Variants in DDX50 observed in about 807,000 individuals in gnomAD.
The protein encoded by DDX50 is ATP-dependent RNA helicase DDX50.
A neutral mutation model predicts 94.8 loss-of-function variants in DDX50; 56 were observed. That is an observed-to-expected ratio of 0.59 (90% confidence interval 0.48 to 0.74). The LOEUF is 0.74. Ranked by LOEUF, DDX50 falls within the 30% of genes least tolerant of loss-of-function variation. DDX50 has a pLI of 0.00. For missense variants in DDX50, 713 were observed against 881.2 expected, an observed-to-expected ratio of 0.81 and a Z score of 2.42; for synonymous variants, 264 against 295.4, an observed-to-expected ratio of 0.89 and a Z score of 1.09.
chr10:68,946,161 G>A (rs887151062), intron 14 of DDX50, among the ~76,000 whole-genome samples, 191 bp from the exon 15 acceptor site: 2 of 152,060 alleles, frequency 1.3e-5, no homozygotes, highest in East Asian at 3.9e-4. Context: ...TATAAACTGA[G>A]TATGAATTTA....
rs750132888 is a variant in DDX50 at position 68,901,432 on chromosome 10, C to T, written c.48C>T (p.Pro16=). 1.3e-6 allele frequency: 2 copies of T among 1,576,242 alleles called. No homozygotes were observed. Among genetic ancestry groups the T allele is most frequent in the East Asian group, 2.4e-5 (1 of 42,318 alleles). Residue 16 remains proline, a synonymous_variant, in exon 1 of 15, where the codon CCC becomes CCT. Coordinates refer to ENST00000373585, the MANE Select transcript of DDX50 (RefSeq NM_024045.2). ...LWGDIMELEA[P]LEESESQKKE... ...GGGACATTATGGAGCTGGAAGCACC[C>T]TTGGAGGAGTCCGAGAGCCAGAAGA...
intron 7 of DDX50, among the ~76,000 whole-genome samples, chr10:68,914,534 A>G (rs1841727139): frequency 6.6e-6 from 1 of 152,222 alleles, no homozygotes; most frequent in African/African-American, 2.4e-5. Context: ...AAAGAAGGCG[A>G]TTTATATTGA....
At chr10:68,917,685 C>T (rs1455649039) in intron 7 of DDX50, among the ~76,000 whole-genome samples, 1 of 152,194 alleles carries the variant, frequency 6.6e-6, no homozygotes, top group Non-Finnish European at 1.5e-5. Flanking sequence ...TCATTGCAGC[C>T]TCCACCTTCC....
intron 8 of DDX50, among the ~76,000 whole-genome samples, chr10:68,927,917 G>A (rs1404445180): frequency 6.6e-6 from 1 of 152,188 alleles, no homozygotes; most frequent in African/African-American, 2.4e-5. Context: ...AGCTACTCAG[G>A]AGACTGAGGT....
In DDX50 at chr10:68,913,238, G is replaced by A. The variant is rs752621426; in HGVS notation, c.716G>A (p.Ser239Asn). The change falls in exon 5 of 15, where the codon AGC becomes AAC. Residue 239 changes from serine (S) to asparagine (N), a missense_variant. Physicochemically the swap from Ser to Asn is conservative, Grantham distance 46. Around this residue, in one of 2 missense-constraint regions of DDX50, gnomAD observed 285 missense variants for 278.9 expected, o/e 1.02. Transcript: ENST00000373585. ...TTCAAAGATATAACTAGGAAACTCA[G>A]CGTGGCGTGTTTTTATGGTGGAACA... ...KDFKDITRKL[S>N]VACFYGGTSY... 1 of 1,613,452 alleles carries A rather than the reference G, an allele frequency of 6.2e-7. No individual in the cohort carries two copies. The highest frequency in any genetic ancestry group is 8.5e-7 in the Non-Finnish European group (1 of 1,179,888).
At chr10:68,940,857 C>G (rs1039191500) in intron 12 of DDX50, among the ~76,000 whole-genome samples, 4 of 152,164 alleles carry the variant, frequency 2.6e-5, no homozygotes, top group African/African-American at 9.7e-5. Context: ...TAGAGTCTTA[C>G]AGCAATACAT....
At chr10:68,936,131 A>G in intron 11 of DDX50, 52 bp downstream of exon 11, 1 of 1,424,000 alleles carries the variant, frequency 7.0e-7, no homozygotes, top group Non-Finnish European at 9.6e-7. Context: ...TAGGCTATTC[A>G]TCTGTAAGCT....
intron 8 of DDX50, among the ~76,000 whole-genome samples, chr10:68,922,265 T>C (rs539760289): frequency 5.9e-5 from 9 of 152,144 alleles, no homozygotes; most frequent in Non-Finnish European, 1.0e-4. Flanking sequence ...GATGTAATCA[T>C]GGCACTTGAT....
At chr10:68,903,831 C>G (rs1373481863) in intron 1 of DDX50, among the ~76,000 whole-genome samples, 3 of 151,254 alleles carry the variant, frequency 2.0e-5, no homozygotes, top group Non-Finnish European at 4.4e-5. Context: ...CAAAAATTAG[C>G]TGGGTGTGGT....
intron 7 of DDX50, among the ~76,000 whole-genome samples, chr10:68,916,625 G>A (rs1841803310): frequency 1.3e-5 from 2 of 152,128 alleles, no homozygotes; most frequent in East Asian, 1.9e-4. Flanking sequence ...GTAATTGTAT[G>A]TATTTCCAAA....
chr10:68,936,548 A>G (rs1289706608), intron 11 of DDX50, among the ~76,000 whole-genome samples: 1 of 112,610 alleles, frequency 8.9e-6, no homozygotes, highest in Non-Finnish European at 1.7e-5. Flanking sequence ...ATATATATAT[A>G]TAAAATGTGG....
rs1184569130 is a variant in DDX50, at chr10:68,934,045, A to C, written c.1240-154A>C. 6.6e-6 allele frequency among the ~76,000 whole-genome samples: 1 copy of C among 150,844 alleles called. No individual in the cohort carries two copies. The highest frequency in any genetic ancestry group is 1.5e-5 in the Non-Finnish European group (1 of 67,844). Reference sequence around the variant, plus strand: ...CATTTTATGTTAAATATTTTCTGTCATGTTTGACTTTTTTTTTTTACAGTA... The same window carrying C: ...CATTTTATGTTAAATATTTTCTGTCCTGTTTGACTTTTTTTTTTTACAGTA... On this transcript the variant is annotated intron_variant, in intron 8 of 14. Coordinates refer to ENST00000373585, the MANE Select transcript of DDX50 (RefSeq NM_024045.2). This position sits in a 1 kb window ranked among gnomAD's most constrained non-coding sequence, Gnocchi z 4.0.
chr10:68,928,656 G>A (rs994655899), intron 8 of DDX50, among the ~76,000 whole-genome samples: 5 of 152,084 alleles, frequency 3.3e-5, no homozygotes, highest in Non-Finnish European at 7.4e-5. Flanking sequence ...TTGAGTATAT[G>A]GTAATGATAC....
At chr10:68,940,857 C>T (rs1039191500) in intron 12 of DDX50, among the ~76,000 whole-genome samples, 1 of 152,164 alleles carries the variant, frequency 6.6e-6, no homozygotes, top group East Asian at 1.9e-4. Flanking sequence ...TAGAGTCTTA[C>T]AGCAATACAT....
At chr10:68,928,834 A>G (rs1235824449) in intron 8 of DDX50, among the ~76,000 whole-genome samples, 1 of 152,232 alleles carries the variant, frequency 6.6e-6, no homozygotes, top group African/African-American at 2.4e-5. Context: ...CCATTGCTTA[A>G]ACCAGAAATT....
intron 7 of DDX50, among the ~76,000 whole-genome samples, chr10:68,916,878 G>A (rs56379169): frequency 6.6e-6 from 1 of 152,096 alleles, no homozygotes; most frequent in Non-Finnish European, 1.5e-5. Context: ...TAGAGACTGG[G>A]TTTTGCCATG....
intron 12 of DDX50, among the ~76,000 whole-genome samples, chr10:68,938,870 C>A (rs1288690078): frequency 6.6e-6 from 1 of 152,050 alleles, no homozygotes; most frequent in Non-Finnish European, 1.5e-5. Context: ...GAACTGTTTT[C>A]TCATCTTTTT....
Position 68,937,173 on chromosome 10 carries a change from G to A in DDX50, c.1755+78G>A, listed in dbSNP as rs1023343305. 6 of 1,370,568 alleles carry A rather than the reference G, an allele frequency of 4.4e-6. No homozygotes were observed. The South Asian group carries it at 5.8e-5, about 13-fold the overall frequency. 84.9% of individuals were successfully genotyped at this position (1,370,568 alleles called of 1,614,324 possible). On this transcript the variant is annotated intron_variant, in intron 12 of 14. Coordinates refer to ENST00000373585, the MANE Select transcript of DDX50 (RefSeq NM_024045.2). Reference sequence around the variant, plus strand: ...ATAGGAAATATTGTAGTGAATTATTGTGCTTTTTGTGCAGAAAAAAACTGT... The same window carrying A: ...ATAGGAAATATTGTAGTGAATTATTATGCTTTTTGTGCAGAAAAAAACTGT...
At chr10:68,935,597 G>T (rs1842384782) in intron 10 of DDX50, among the ~76,000 whole-genome samples, 1 of 152,168 alleles carries the variant, frequency 6.6e-6, no homozygotes, top group Non-Finnish European at 1.5e-5. Flanking sequence ...CACTTTGGGA[G>T]GCGGAGATGG....
Sources: gnomAD v4.1 joint callset for allele counts (sites outside exome capture counted in the v4.1 genomes callset) on GRCh38, gnomAD v4.1.1 for gene constraint, gnomAD v4.1.1 regional missense constraint, Gnocchi (gnomAD v3.1) non-coding constraint, MANE v1.5 for transcripts, NCBI Gene and HGNC (gene_info 2026-07-23, HGNC 2026-07-21) for gene names.